ATP6V0A1: variants seen among roughly 807,000 people sequenced by gnomAD.
ATP6V0A1 encodes the protein ATPase H+ transporting V0 subunit a1.
In ATP6V0A1, 43 loss-of-function variants were observed where a neutral mutation model predicts 105.4. The observed-to-expected ratio is 0.41, with a 90% CI of 0.32 to 0.53. The LOEUF is 0.53. Among genes scored for constraint, ATP6V0A1 ranks in the 20% least tolerant of loss-of-function variants. ATP6V0A1 has a pLI of 0.30. For missense variants in ATP6V0A1, 676 were observed against 1,051.1 expected (o/e 0.64, Z 4.93); for synonymous variants, 362 against 372.8 (o/e 0.97, Z 0.33).
intron 17 of ATP6V0A1, 80 bp from the exon 18 acceptor site, chr17:42,507,440 A>G (rs1283098504): frequency 5.1e-6 from 5 of 984,106 alleles, no homozygotes; most frequent in Non-Finnish European, 7.8e-6. Context: ...GGTTTGTGTT[A>G]CTAACCATCG....
chr17:42,518,739 C>T (rs2092722703), intron 21 of ATP6V0A1: 1 of 152,310 alleles, frequency 6.6e-6, no homozygotes, highest in Non-Finnish European at 1.5e-5. Flanking sequence ...CTGAGGCTCT[C>T]CTCACAGCTG....
At chr17:42,478,283 C>T (rs929879477) in intron 6 of ATP6V0A1, among the ~76,000 whole-genome samples, 180 bp from the exon 7 acceptor site, 1 of 151,782 alleles carries the variant, frequency 6.6e-6, no homozygotes. Context: ...ATGGGTGCAG[C>T]ACACCAACAT....
At chr17:42,494,210 G>T in intron 11 of ATP6V0A1, 124 bp from the exon 12 acceptor site, 1 of 949,798 alleles carries the variant, frequency 1.1e-6, no homozygotes, top group Non-Finnish European at 1.5e-6. Context: ...GACATTGCTG[G>T]CTGACAGAGC....
In ATP6V0A1 at chr17:42,509,512, G is replaced by A. The variant is rs568381645; in HGVS notation, c.2130+923G>A. Among the ~76,000 whole-genome samples, 22 of 152,276 alleles carry A rather than the reference G, an allele frequency of 1.4e-4. No homozygotes were observed. The East Asian group carries it at 2.5e-3, about 17-fold the overall frequency. ...GCTGTTCTGTGTAAACACAGGTAGG[G>A]CCTGCTCTTCCTGAAGCCTAGAGAG... On this transcript the variant is annotated intron_variant, in intron 19 of 21. Coordinates refer to ENST00000343619, the MANE Select transcript of ATP6V0A1 (RefSeq NM_001130021.3).
At chr17:42,483,992 A>G (rs2089833259) in intron 9 of ATP6V0A1, among the ~76,000 whole-genome samples, 2 of 152,246 alleles carry the variant, frequency 1.3e-5, no homozygotes, top group African/African-American at 4.8e-5. Flanking sequence ...TGCTGGGATT[A>G]TAGGCGTGAG....
Position 42,495,189 on chromosome 17 carries a change from G to T in ATP6V0A1, c.1469+1G>T, listed in dbSNP as rs761850833. 1 of 1,613,072 alleles carries T rather than the reference G, an allele frequency of 6.2e-7. No homozygotes were observed. Among genetic ancestry groups the T allele is most frequent in the Non-Finnish European group, 8.5e-7 (1 of 1,179,320 alleles). Reference sequence around the variant, plus strand: ...GGCCGATGTTTACTTATAATTGGACGTAAGTTGCAGAAGAAGCTAAAATTC... The same window carrying T: ...GGCCGATGTTTACTTATAATTGGACTTAAGTTGCAGAAGAAGCTAAAATTC... On this transcript the variant is annotated splice_donor_variant, in intron 13 of 21. Transcript: ENST00000343619. LOFTEE classifies it high-confidence loss of function.
chr17:42,495,371 GA>G (rs913982907), intron 13 of ATP6V0A1, among the ~76,000 whole-genome samples, 183 bp downstream of exon 13: 1 of 151,380 alleles, frequency 6.6e-6, no homozygotes, highest in African/African-American at 2.4e-5. Flanking sequence ...GATTAGAAAT[GA>G]TTTTTTTTTT....
chr17:42,519,117 C>T (rs2092737182), intron 21 of ATP6V0A1: 1 of 152,342 alleles, frequency 6.6e-6, no homozygotes, highest in African/African-American at 2.4e-5. Context: ...GGCAGTATGT[C>T]AGGGAGGCCA....
intron 19 of ATP6V0A1, among the ~76,000 whole-genome samples, chr17:42,511,737 AG>A (rs894485673): frequency 6.6e-6 from 1 of 152,152 alleles, no homozygotes; most frequent in Non-Finnish European, 1.5e-5. Flanking sequence ...TGGGAGGCCA[AG>A]GTGGGTGGAT....
chr17:42,496,116 TG>T (rs2091155088), intron 14 of ATP6V0A1: 1 of 166,074 alleles, frequency 6.0e-6, no homozygotes, highest in Non-Finnish European at 1.3e-5. Context: ...AATAGTTATG[TG>T]GGTTTTCGTT....
chr17:42,498,114 G>A (rs2091355605), intron 14 of ATP6V0A1, among the ~76,000 whole-genome samples: 1 of 152,116 alleles, frequency 6.6e-6, no homozygotes, highest in African/African-American at 2.4e-5. Context: ...GCTGGGCATC[G>A]TGGCCTGTGC....
In ATP6V0A1 at chr17:42,487,263, C is replaced by G; in HGVS notation, c.919C>G (p.Leu307Val). Residue 307 changes from leucine to valine, a missense_variant, in exon 10 of 22, where the codon CTG (leucine) becomes GTG (valine). By Grantham distance (32) the Leu-to-Val change is conservative. Around this residue, in one of 3 missense-constraint regions of ATP6V0A1, gnomAD observed 239 missense variants for 388.4 expected, o/e 0.62. Transcript: ENST00000343619. ...GAAGATGAAGGCCATCTATCACACC[C>G]TGAACCTGTGCAACATAGATGTGAC... ...VRKMKAIYHT[L>V]NLCNIDVTQK... 6.2e-7 allele frequency: 1 copy of G among 1,614,188 alleles called. No individual in the cohort carries two copies. Among genetic ancestry groups the G allele is most frequent in the African/African-American group, 1.3e-5 (1 of 75,042 alleles).
rs755678225 is a variant in ATP6V0A1, at chr17:42,467,994, G to C, written c.197-16G>C. 3 of 1,570,298 alleles carry C rather than the reference G, an allele frequency of 1.9e-6. No individual in the cohort carries two copies. The highest frequency in any genetic ancestry group is 3.5e-5 in the Admixed American group (2 of 57,506). On this transcript the variant is annotated splice_polypyrimidine_tract_variant and intron_variant, in intron 3 of 21. Coordinates refer to ENST00000343619, the MANE Select transcript of ATP6V0A1 (RefSeq NM_001130021.3). ...ATGTGCAGTTAGACATGAATGTTTT[G>C]ATTCTGTCATTTTAGGATTTGTTGA...
At chr17:42,487,926 C>T (rs968150863) in intron 10 of ATP6V0A1, among the ~76,000 whole-genome samples, 2 of 152,062 alleles carry the variant, frequency 1.3e-5, no homozygotes, top group Non-Finnish European at 2.9e-5. Flanking sequence ...GACTGCAGTT[C>T]AGAGAGCTGA....
chr17:42,477,512 G>C, intron 5 of ATP6V0A1, 148 bp from the exon 6 acceptor site: 1 of 668,256 alleles, frequency 1.5e-6, no homozygotes, highest in Non-Finnish European at 2.4e-6. Flanking sequence ...TCTTTTTATG[G>C]ATATATCTTG....
intron 5 of ATP6V0A1, among the ~76,000 whole-genome samples, chr17:42,475,061 A>G (rs1322402061): frequency 6.6e-6 from 1 of 152,224 alleles, no homozygotes; most frequent in Non-Finnish European, 1.5e-5. Flanking sequence ...AAGACTGGAA[A>G]AGTAATGGTT....
intron 21 of ATP6V0A1, among the ~76,000 whole-genome samples, chr17:42,517,373 G>A (rs1642852689): frequency 2.0e-5 from 3 of 152,188 alleles, no homozygotes; most frequent in African/African-American, 7.2e-5. Context: ...ACTGCTTTTA[G>A]CCTGTCTAGA....
chr17:42,476,242 G>A (rs2088721516), intron 5 of ATP6V0A1, among the ~76,000 whole-genome samples: 1 of 152,096 alleles, frequency 6.6e-6, no homozygotes, highest in Admixed American at 6.6e-5. Flanking sequence ...CTGCACTTCT[G>A]GTGTTGATCC....
At chr17:42,491,258 A>T (rs961017507) in intron 11 of ATP6V0A1, among the ~76,000 whole-genome samples, 5 of 152,062 alleles carry the variant, frequency 3.3e-5, no homozygotes, top group African/African-American at 1.2e-4. Context: ...GCTGTTGAAT[A>T]ACTGAATTAA....
Sources: gnomAD v4.1 joint callset for allele counts (sites outside exome capture counted in the v4.1 genomes callset) on GRCh38, gnomAD v4.1.1 for gene constraint, gnomAD v4.1.1 regional missense constraint, MANE v1.5 for transcripts, NCBI Gene and HGNC (gene_info 2026-07-23, HGNC 2026-07-21) for gene names.